The following MAP2K5 variants were observed in gnomAD, a reference collection of about 807,000 sequenced individuals.
The protein encoded by MAP2K5 is mitogen-activated protein kinase kinase 5.
In MAP2K5, 49 loss-of-function variants were observed where a neutral mutation model predicts 83.1. The observed-to-expected ratio is 0.59, with a 90% CI of 0.47 to 0.75. The LOEUF (loss-of-function observed/expected upper bound fraction) is 0.75. Ranked by LOEUF, MAP2K5 falls within the 30% of genes least tolerant of loss-of-function variation. The pLI, the probability that MAP2K5 is intolerant of heterozygous loss-of-function variation, is 0.00. For missense variants in MAP2K5, 457 were observed against 557.5 expected (o/e 0.82, Z 1.82); for synonymous variants, 202 against 191.8 (o/e 1.05, Z -0.44).
intron 21 of MAP2K5, among the ~76,000 whole-genome samples, chr15:67,787,526 A>T (rs572503035): frequency 6.6e-6 from 1 of 152,342 alleles, no homozygotes; most frequent in Admixed American, 6.5e-5. Context: ...CCTTCTTCTA[A>T]TGAGGTTATG....
In MAP2K5 at chr15:67,801,097, G is replaced by A. The variant is rs4776376; in HGVS notation, c.1243-5549G>A. On this transcript the variant is annotated intron_variant, in intron 21 of 21. Coordinates refer to ENST00000178640, the MANE Select transcript of MAP2K5 (RefSeq NM_145160.3). The surrounding 1 kb of genome is among the most constrained non-coding windows in gnomAD (Gnocchi z 4.8). The stretch of plus-strand genomic sequence containing the variant: ...ACACCCTATGGCTCCGCTGGACTGT[G>A]AGATCCCATCTAGTCCTAACACTCC... 0.39 allele frequency among the ~76,000 whole-genome samples: 59,016 copies of A among 151,978 alleles called. 12,280 individuals carry two copies. The highest frequency in any genetic ancestry group is 0.7 in the East Asian group (3,589 of 5,164).
chr15:67,732,837 G>T lies in MAP2K5; in HGVS notation c.1074+4892G>T, dbSNP rs534922723. ...GTCATTTAGGGTTCCTGGTGCATCT[G>T]TCTGCGCCAGGCTTTTCACTGGCAT... On this transcript the variant is annotated intron_variant, in intron 17 of 21. Coordinates refer to ENST00000178640, the MANE Select transcript of MAP2K5 (RefSeq NM_145160.3). Among the ~76,000 whole-genome samples the T allele has an allele frequency of 5.3e-5, 8 of 152,234 alleles. No individual in the cohort carries two copies. The East Asian group carries it at 1.5e-3, about 29-fold the overall frequency.
chr15:67,763,914 T>C (rs1013247846), intron 19 of MAP2K5, among the ~76,000 whole-genome samples: 94 of 152,096 alleles, frequency 6.2e-4, no homozygotes, highest in African/African-American at 2.1e-3. Flanking sequence ...TGCCTAAGAG[T>C]AGACATTGTT....
rs1270659175 is a variant in MAP2K5 at position 67,573,928 on chromosome 15, CA to C, written c.253-6825del. Among the ~76,000 whole-genome samples the C allele has an allele frequency of 6.6e-6, 1 of 152,186 alleles. No homozygotes were observed. The highest frequency in any genetic ancestry group is 1.5e-5 in the Non-Finnish European group (1 of 68,022). On this transcript the variant is annotated intron_variant, in intron 3 of 21. Coordinates refer to ENST00000178640, the MANE Select transcript of MAP2K5 (RefSeq NM_145160.3). The surrounding 1 kb of genome is among the most constrained non-coding windows in gnomAD (Gnocchi z 4.2). ...CTTTGTTATTTTACATATAAACAAACATTGTACATAAGGTAGATGTGTTCCT... is the reference window on the plus strand; with the variant it reads ...CTTTGTTATTTTACATATAAACAAACTTGTACATAAGGTAGATGTGTTCCT...
chr15:67,652,961 A>T lies in MAP2K5; in HGVS notation c.737-5592A>T, dbSNP rs189493043. On this transcript the variant is annotated intron_variant, in intron 11 of 21. Transcript: ENST00000178640. The surrounding 1 kb of genome is among the most constrained non-coding windows in gnomAD (Gnocchi z 4.2). The stretch of plus-strand genomic sequence containing the variant: ...TCATCCATGTTGTAGCATGTGTCAG[A>T]ATTTTCTTCCTTTTAAAAGCTGAAT... 1.3e-5 allele frequency among the ~76,000 whole-genome samples: 2 copies of T among 152,248 alleles called. No homozygotes were observed. The highest frequency in any genetic ancestry group is 6.5e-5 in the Admixed American group (1 of 15,296).
chr15:67,731,174 G>C (rs1282409828), intron 17 of MAP2K5, among the ~76,000 whole-genome samples: 1 of 152,184 alleles, frequency 6.6e-6, no homozygotes. Context: ...AATGAGCAGA[G>C]GGTAAAGTGG....
intron 16 of MAP2K5, among the ~76,000 whole-genome samples, chr15:67,726,559 C>T (rs1170627378): frequency 6.6e-6 from 1 of 152,154 alleles, no homozygotes; most frequent in Non-Finnish European, 1.5e-5. Flanking sequence ...AATGTTTGAG[C>T]AGTGTCAGTG....
At position 67,778,241 on chromosome 15, in the gene MAP2K5, G is replaced by A. The variant is rs2090271760; in HGVS notation, c.1242+5489G>A. ...CTTTTCTGCTTTTCCAAACCTGATT[G>A]TAATTACATTTTCAGATAGTATGGT... On this transcript the variant is annotated intron_variant, in intron 21 of 21. Transcript: ENST00000178640. This position sits in a 1 kb window ranked among gnomAD's most constrained non-coding sequence, Gnocchi z 5.0. Among the ~76,000 whole-genome samples the A allele has an allele frequency of 6.6e-6, 1 of 152,160 alleles. No individual in the cohort carries two copies. Among genetic ancestry groups the A allele is most frequent in the Admixed American group, 6.5e-5 (1 of 15,290 alleles).
chr15:67,551,217 T>C (rs2084504191), intron 2 of MAP2K5, among the ~76,000 whole-genome samples: 1 of 152,192 alleles, frequency 6.6e-6, no homozygotes, highest in Non-Finnish European at 1.5e-5. Context: ...CTTATCAACA[T>C]ATAAAATGTG....
intron 1 of MAP2K5, among the ~76,000 whole-genome samples, chr15:67,544,618 G>A (rs2084357002): frequency 1.3e-5 from 2 of 152,208 alleles, no homozygotes; most frequent in Non-Finnish European, 2.9e-5. Flanking sequence ...GATAGACAGG[G>A]TGCCTTGTGC....
chr15:67,547,439 T>C (rs921138782), intron 1 of MAP2K5, among the ~76,000 whole-genome samples: 40 of 150,494 alleles, frequency 2.7e-4, no homozygotes, highest in Admixed American at 1.0e-3. Flanking sequence ...ATATGTAAAC[T>C]TCGGTTTTCT....
rs993012859 is a variant in MAP2K5 at position 67,736,346 on chromosome 15, G to C, written c.1074+8401G>C. 2.0e-5 allele frequency among the ~76,000 whole-genome samples: 3 copies of C among 152,148 alleles called. No individual in the cohort carries two copies. Among genetic ancestry groups the C allele is most frequent in the Non-Finnish European group, 4.4e-5 (3 of 68,034 alleles). On this transcript the variant is annotated intron_variant, in intron 17 of 21. Transcript: ENST00000178640. The surrounding 1 kb of genome is among the most constrained non-coding windows in gnomAD (Gnocchi z 4.3). ...CTGCCACCCTTTATGAATTTGGCTT[G>C]GTATATCACGGCATTTTCTAGACTG...
At chr15:67,675,184 C>T (rs1475767452) in intron 13 of MAP2K5, among the ~76,000 whole-genome samples, 1 of 152,190 alleles carries the variant, frequency 6.6e-6, no homozygotes, top group East Asian at 1.9e-4. Flanking sequence ...TAGCCAAAAA[C>T]TGGAAACAAC....
At chr15:67,712,833 G>A (rs2088726532) in intron 16 of MAP2K5, among the ~76,000 whole-genome samples, 1 of 152,096 alleles carries the variant, frequency 6.6e-6, no homozygotes, top group Non-Finnish European at 1.5e-5. Flanking sequence ...CAGGAGAATG[G>A]TGTGAATCTG....
chr15:67,736,917 A>G lies in MAP2K5; in HGVS notation c.1074+8972A>G, dbSNP rs1207575931. ...TTTCAGCATGTGAAGAGATCTTACA[A>G]TGATCTAGTCCAACTCTTAGATTAC... On this transcript the variant is annotated intron_variant, in intron 17 of 21. Coordinates refer to ENST00000178640, the MANE Select transcript of MAP2K5 (RefSeq NM_145160.3). This position sits in a 1 kb window ranked among gnomAD's most constrained non-coding sequence, Gnocchi z 4.3. Among the ~76,000 whole-genome samples the G allele has an allele frequency of 6.6e-6, 1 of 152,196 alleles. No homozygotes were observed. Among genetic ancestry groups the G allele is most frequent in the Admixed American group, 6.5e-5 (1 of 15,282 alleles).
At chr15:67,627,909 G>T in intron 8 of MAP2K5, 1 of 750,892 alleles carries the variant, frequency 1.3e-6, no homozygotes. Flanking sequence ...TTCATTGGAG[G>T]GCTGAACTTT....
In MAP2K5 at chr15:67,640,331, T is replaced by C. The variant is rs1374350250; in HGVS notation, c.586-5900T>C. 6.6e-6 allele frequency among the ~76,000 whole-genome samples: 1 copy of C among 152,236 alleles called. No homozygotes were observed. The highest frequency in any genetic ancestry group is 1.5e-5 in the Non-Finnish European group (1 of 68,038). Reference sequence around the variant, plus strand: ...AAAATATCTCATAGCGTTCTTTATATGGACCATTGCTCTCACCCAGAATAT... The same window carrying C: ...AAAATATCTCATAGCGTTCTTTATACGGACCATTGCTCTCACCCAGAATAT... On this transcript the variant is annotated intron_variant, in intron 9 of 21. Transcript: ENST00000178640. The surrounding 1 kb of genome is among the most constrained non-coding windows in gnomAD (Gnocchi z 4.6).
Position 67,562,617 on chromosome 15 carries a change from A to G in MAP2K5, c.185-666A>G, listed in dbSNP as rs1277481331. 6.6e-6 allele frequency among the ~76,000 whole-genome samples: 1 copy of G among 152,198 alleles called. No homozygotes were observed. The highest frequency in any genetic ancestry group is 1.5e-5 in the Non-Finnish European group (1 of 68,024). On this transcript the variant is annotated intron_variant, in intron 2 of 21. Transcript: ENST00000178640. This position sits in a 1 kb window ranked among gnomAD's most constrained non-coding sequence, Gnocchi z 4.1. ...TTGAAGCTTTCTATGGCTGGAGAGT[A>G]TGCAAAACAAGTGAAACTGTTCGGA...
rs2090230038 is a variant in MAP2K5, at chr15:67,775,928, C to G, written c.1242+3176C>G. 6.6e-6 allele frequency among the ~76,000 whole-genome samples: 1 copy of G among 152,156 alleles called. No individual in the cohort carries two copies. The highest frequency in any genetic ancestry group is 2.4e-5 in the African/African-American group (1 of 41,432). ...AAACAGGCAACATATTCACCACCAG[C>G]TGGGCAATCTCTTAAGACATTCCAC... On this transcript the variant is annotated intron_variant, in intron 21 of 21. Transcript: ENST00000178640. The surrounding 1 kb of genome is among the most constrained non-coding windows in gnomAD (Gnocchi z 5.3).
Sources: gnomAD v4.1 joint callset for allele counts (sites outside exome capture counted in the v4.1 genomes callset) on GRCh38, gnomAD v4.1.1 for gene constraint, Gnocchi (gnomAD v3.1) non-coding constraint, MANE v1.5 for transcripts, NCBI Gene and HGNC (gene_info 2026-07-23, HGNC 2026-07-21) for gene names.